Variants in ITPR1 observed in about 807,000 individuals in gnomAD.
ITPR1 encodes inositol 1,4,5-trisphosphate receptor type 1.
In ITPR1, 96 loss-of-function variants were observed where a neutral mutation model predicts 318.4. The ratio of observed to expected loss-of-function variants is 0.30; its 90% CI spans 0.26 to 0.36. The LOEUF (loss-of-function observed/expected upper bound fraction) is 0.36, where lower values mean the gene tolerates loss of function less well. Among genes scored for constraint, ITPR1 ranks in the 10% least tolerant of loss-of-function variants. ITPR1 has a pLI of 1.00. For missense variants in ITPR1, 2,440 were observed against 3,460.2 expected (o/e 0.71, Z 7.40); for synonymous variants, 1,312 against 1,289.9 (o/e 1.02, Z -0.37).
intron 4 of ITPR1, among the ~76,000 whole-genome samples, chr3:4,575,745 A>T (rs544575727): frequency 2.7e-4 from 41 of 152,068 alleles, no homozygotes; most frequent in African/African-American, 9.6e-4. Context: ...CAGCAGCTGG[A>T]TGCAGTGTCT....
intron 40 of ITPR1, among the ~76,000 whole-genome samples, chr3:4,720,572 C>T (rs935800959): frequency 1.3e-5 from 2 of 152,130 alleles, no homozygotes; most frequent in African/African-American, 2.4e-5. Context: ...TCTGTTTCTA[C>T]GTATTTGAGA....
chr3:4,826,437 A>G lies in ITPR1; in HGVS notation c.8028+8195A>G, dbSNP rs577719741. Among the ~76,000 whole-genome samples the G allele has an allele frequency of 6.6e-6, 1 of 152,284 alleles. No individual in the cohort carries two copies. The highest frequency in any genetic ancestry group is 2.1e-4 in the South Asian group (1 of 4,828). ...AGAATGCCCCCTGAAGTTAGCTGGCACCACGGCAGAGTCAAGAATATCGGA... is the reference window on the plus strand; with the variant it reads ...AGAATGCCCCCTGAAGTTAGCTGGCGCCACGGCAGAGTCAAGAATATCGGA... On this transcript the variant is annotated intron_variant, in intron 60 of 61. Transcript: ENST00000649015. This position sits in a 1 kb window ranked among gnomAD's most constrained non-coding sequence, Gnocchi z 4.2.
In ITPR1 at chr3:4,814,450, A is replaced by G. The variant is rs777389511; in HGVS notation, c.7589A>G (p.Gln2530Arg). Reference protein sequence around the residue: ...EELVPAEETEQDKEHTCETLL... With the variant: ...EELVPAEETERDKEHTCETLL... ...CTGGTCCCTGCAGAAGAGACGGAAC[A>G]GGATAAAGAGCACACATGTGAGACG... Residue 2530 changes from glutamine to arginine, a missense_variant, in exon 58 of 62, where the codon CAG becomes CGG. Gln to Arg is a conservative substitution (Grantham distance 43). Transcript: ENST00000649015. The G allele has an allele frequency of 6.2e-7, 1 of 1,613,992 alleles. No individual in the cohort carries two copies. The highest frequency in any genetic ancestry group is 1.1e-5 in the South Asian group (1 of 91,086).
intron 60 of ITPR1, among the ~76,000 whole-genome samples, chr3:4,831,774 C>T (rs1389027839): frequency 6.6e-6 from 1 of 152,202 alleles, no homozygotes; most frequent in African/African-American, 2.4e-5. Context: ...TCACTGGAGT[C>T]ATTCAGCACT....
In ITPR1 at chr3:4,721,172, G is replaced by GTGTATATATATA. The variant is rs1356149562; in HGVS notation, c.5136+3774_5136+3775insGTATATATATAT. Among the ~76,000 whole-genome samples the GTGTATATATATA allele has an allele frequency of 1.5e-3, 183 of 125,062 alleles. 3 individuals carry two copies. The highest frequency in any genetic ancestry group is 6.3e-3 in the East Asian group (31 of 4,918). The allele number at this position is 125,062 out of a possible 152,430, so 82.0% of individuals were successfully genotyped here. ...TGTGTGTAGATACGTGTGTGTGCGT[G>GTGTATATATATA]TATATATATATATATATATATATAT... On this transcript the variant is annotated intron_variant, in intron 40 of 61. Transcript: ENST00000649015.
At chr3:4,666,223 C>T (rs2093943659) in intron 17 of ITPR1, among the ~76,000 whole-genome samples, 1 of 152,168 alleles carries the variant, frequency 6.6e-6, no homozygotes, top group Non-Finnish European at 1.5e-5. Flanking sequence ...TTTTGACTGC[C>T]ACTATACTGG....
chr3:4,568,688 G>A (rs1443514062), intron 4 of ITPR1, among the ~76,000 whole-genome samples: 1 of 152,152 alleles, frequency 6.6e-6, no homozygotes, highest in Non-Finnish European at 1.5e-5. Context: ...GTTTGAGTAA[G>A]GAATGAGCCA....
chr3:4,692,154 TA>T (rs1174280972), intron 32 of ITPR1, among the ~76,000 whole-genome samples: 1 of 148,324 alleles, frequency 6.7e-6, no homozygotes, highest in South Asian at 2.1e-4. Context: ...AGAAAAAAAA[TA>T]AAAAAAAGAG....
chr3:4,508,541 A>G (rs955096541), intron 2 of ITPR1, among the ~76,000 whole-genome samples: 10 of 151,250 alleles, frequency 6.6e-5, no homozygotes, highest in Admixed American at 6.6e-4. Flanking sequence ...AATTTCAATA[A>G]GTGAGTTTTC....
intron 11 of ITPR1, among the ~76,000 whole-genome samples, chr3:4,653,374 T>G (rs1559619356): frequency 6.6e-6 from 1 of 152,178 alleles, no homozygotes; most frequent in Non-Finnish European, 1.5e-5. Context: ...AGTTCAAATT[T>G]GAGATAAAGC....
chr3:4,530,639 A>G (rs1363447610), intron 4 of ITPR1, among the ~76,000 whole-genome samples: 1 of 152,128 alleles, frequency 6.6e-6, no homozygotes, highest in African/African-American at 2.4e-5. Context: ...AAATTAGCCA[A>G]GCATGGTGGT....
At chr3:4,525,050 T>C (rs1396804861) in intron 4 of ITPR1, among the ~76,000 whole-genome samples, 1 of 152,212 alleles carries the variant, frequency 6.6e-6, no homozygotes, top group Non-Finnish European at 1.5e-5. Context: ...GTAAATCTCA[T>C]GTTTAATTTT....
chr3:4,644,271 C>G (rs1276470351), intron 8 of ITPR1, 37 bp downstream of exon 8: 3 of 1,434,190 alleles, frequency 2.1e-6, no homozygotes, highest in Non-Finnish European at 2.9e-6. Flanking sequence ...GTGTGGTTAT[C>G]CTGCAGGAGC....
intron 4 of ITPR1, among the ~76,000 whole-genome samples, chr3:4,548,165 G>A (rs1309149839): frequency 6.6e-6 from 1 of 152,210 alleles, no homozygotes; most frequent in African/African-American, 2.4e-5. Flanking sequence ...GAAAGACACA[G>A]CCAAGATTAA....
At chr3:4,581,791 T>C (rs536537785) in intron 4 of ITPR1, among the ~76,000 whole-genome samples, 1 of 152,294 alleles carries the variant, frequency 6.6e-6, no homozygotes, top group East Asian at 1.9e-4. Flanking sequence ...GCTTTTCTGG[T>C]GTTGGAGGGA....
At chr3:4,630,595 A>ATTATTT (rs2092985888) in intron 5 of ITPR1, among the ~76,000 whole-genome samples, 4 of 146,096 alleles carry the variant, frequency 2.7e-5, no homozygotes, top group African/African-American at 5.0e-5. Flanking sequence ...TATTATTATT[A>ATTATTT]TTATTTTTAA....
intron 60 of ITPR1, among the ~76,000 whole-genome samples, chr3:4,825,449 C>CA (rs1169846111): frequency 6.6e-6 from 1 of 152,128 alleles, no homozygotes; most frequent in South Asian, 2.1e-4. Context: ...TAATTTGCTT[C>CA]AAAAAAAGTA....
At chr3:4,595,333 G>A (rs2090718587) in intron 4 of ITPR1, among the ~76,000 whole-genome samples, 1 of 152,194 alleles carries the variant, frequency 6.6e-6, no homozygotes, top group African/African-American at 2.4e-5. Flanking sequence ...GCCAGAGTGG[G>A]AGCGAGAGAG....
intron 44 of ITPR1, among the ~76,000 whole-genome samples, chr3:4,759,821 T>A (rs2045304716): frequency 6.6e-6 from 1 of 152,242 alleles, no homozygotes; most frequent in South Asian, 2.1e-4. Flanking sequence ...TCTCTTGCTC[T>A]TTTGTTGTGG....
Sources: gnomAD v4.1 joint callset for allele counts (sites outside exome capture counted in the v4.1 genomes callset) on GRCh38, gnomAD v4.1.1 for gene constraint, Gnocchi (gnomAD v3.1) non-coding constraint, MANE v1.5 for transcripts, NCBI Gene and HGNC (gene_info 2026-07-23, HGNC 2026-07-21) for gene names.